RBBP9: variants seen among roughly 807,000 people sequenced by gnomAD.
The protein encoded by RBBP9 is serine hydrolase RBBP9.
In RBBP9, 20 loss-of-function variants were observed where a neutral mutation model predicts 24.2. The observed-to-expected ratio is 0.83, with a 90% CI of 0.58 to 1.20. RBBP9 has a LOEUF of 1.20. Among genes scored for constraint, RBBP9 ranks in the 50% most tolerant of loss-of-function variants. The pLI is 0.00. For missense variants in RBBP9, 234 were observed against 233.6 expected, an observed-to-expected ratio of 1.00 and a Z score of -0.01; for synonymous variants, 74 against 84.6, an observed-to-expected ratio of 0.87 and a Z score of 0.69.
chr20:18,492,011 T>A (rs2059867651), intron 3 of RBBP9, among the ~76,000 whole-genome samples: 1 of 149,138 alleles, frequency 6.7e-6, no homozygotes. Flanking sequence ...ACAGGAGAAT[T>A]GCTTGAACCT....
Position 18,489,761 on chromosome 20 carries a change from A to C in RBBP9, c.*3T>G, listed in dbSNP as rs747567818. ...GGATGCAAAATAGCAGAAATCATAC[A>C]GTCTATGCTGGTACTTTCAGCAAAG... On this transcript the variant is annotated 3_prime_UTR_variant, in exon 5 of 5. Transcript: ENST00000337227. 1.9e-6 allele frequency: 3 copies of C among 1,577,554 alleles called. No homozygotes were observed. The highest frequency in any genetic ancestry group is 2.2e-5 in the South Asian group (2 of 89,868).
In RBBP9 at chr20:18,497,160, G is replaced by A; in HGVS notation, c.8C>T (p.Ser3Phe). The A allele has an allele frequency of 1.2e-6, 2 of 1,613,710 alleles. No individual in the cohort carries two copies. Among genetic ancestry groups the A allele is most frequent in the African/African-American group, 1.3e-5 (1 of 75,058 alleles). The change falls in exon 1 of 5, where the codon TCT becomes TTT. Residue 3 changes from serine to phenylalanine, a missense_variant. By Grantham distance (155) the Ser-to-Phe change is radical. Transcript: ENST00000337227. ...GGGAACAATCACTGCCTTGCTAGGA[G>A]AAGCCATGAGTGCAGCGAGGCCAGA... MA[S>F]PSKAVIVPGN...
Position 18,497,123 on chromosome 20 carries a change from G to A in RBBP9, c.45C>T (p.Gly15=), listed in dbSNP as rs1065444. Reference sequence around the variant, plus strand: ...ACCAGCCGTGGGTGGTCACATCCCCGCCTCCGTTCCCGGGAACAATCACTG... The same window carrying A: ...ACCAGCCGTGGGTGGTCACATCCCCACCTCCGTTCCCGGGAACAATCACTG... The part of the protein sequence containing the change: ...SKAVIVPGNG[G]GDVTTHGWYG... Residue 15 remains glycine, a synonymous_variant, in exon 1 of 5, where the codon GGC becomes GGT. Transcript: ENST00000337227. 4 of 1,614,026 alleles carry A rather than the reference G, an allele frequency of 2.5e-6. No homozygotes were observed. The highest frequency in any genetic ancestry group is 3.4e-6 in the Non-Finnish European group (4 of 1,179,994).
At chr20:18,491,166 G>A (rs531934030) in intron 3 of RBBP9, among the ~76,000 whole-genome samples, 57 of 152,354 alleles carry the variant, frequency 3.7e-4, no homozygotes, top group South Asian at 2.1e-4. Context: ...ATTTTAAGGC[G>A]TGATCCCTCC....
At chr20:18,493,911 C>T (rs757379380) in intron 3 of RBBP9, 47 bp downstream of exon 3, 1 of 1,416,750 alleles carries the variant, frequency 7.1e-7, no homozygotes, top group Non-Finnish European at 9.7e-7. Context: ...CTCAAGCAAG[C>T]ATGACTGGAG....
Position 18,493,967 on chromosome 20 carries a change from G to A in RBBP9, c.239C>T (p.Ala80Val), listed in dbSNP as rs745728038. The A allele has an allele frequency of 4.4e-5, 71 of 1,606,466 alleles. No individual in the cohort carries two copies. The highest frequency in any genetic ancestry group is 6.7e-5 in the African/African-American group (5 of 74,418). The change falls in exon 3 of 5, where the codon GCG becomes GTG. Residue 80 changes from alanine to valine, a missense_variant. Physicochemically the swap from Ala to Val is moderately conservative, Grantham distance 64. Coordinates refer to ENST00000337227, the MANE Select transcript of RBBP9 (RefSeq NM_006606.3). ...IIIGHSSGAI[A>V]AMRYAETHRV... ...TTAACAAAGATCGCACCTCATGGCCGCGATGGCCCCAGAACTGTGGCCAAT... is the reference window on the plus strand; with the variant it reads ...TTAACAAAGATCGCACCTCATGGCCACGATGGCCCCAGAACTGTGGCCAAT...
rs2059848522 is a variant in RBBP9, at chr20:18,487,467, A to T, written c.*2297T>A. The T allele has an allele frequency of 6.6e-6, 1 of 152,250 alleles. No homozygotes were observed. The highest frequency in any genetic ancestry group is 1.5e-5 in the Non-Finnish European group (1 of 68,042). The allele number at this position is 152,250 out of a possible 1,614,324, so 9.4% of individuals were successfully genotyped here. Reference sequence around the variant, plus strand: ...TAATACAACAGCAAATTTCCAAAAAATTCAAGTAGAATCAAACTTTGACTA... The same window carrying T: ...TAATACAACAGCAAATTTCCAAAAATTTCAAGTAGAATCAAACTTTGACTA... On this transcript the variant is annotated 3_prime_UTR_variant, in exon 5 of 5. Transcript: ENST00000337227.
chr20:18,490,609 T>C (rs1394428715), intron 3 of RBBP9, 129 bp from the exon 4 acceptor site: 4 of 597,468 alleles, frequency 6.7e-6, no homozygotes, highest in Non-Finnish European at 1.2e-5. Flanking sequence ...TTGAGGTTGA[T>C]GTGAAAAATG....
At position 18,494,003 on chromosome 20, in the gene RBBP9, T is replaced by G. The variant is rs755433106; in HGVS notation, c.203A>C (p.Lys68Thr). 1 of 1,613,448 alleles carries G rather than the reference T, an allele frequency of 6.2e-7. No individual in the cohort carries two copies. The highest frequency in any genetic ancestry group is 1.7e-5 in the Admixed American group (1 of 59,786). The change falls in exon 3 of 5, where the codon AAG becomes ACG. Residue 68 changes from lysine (K) to threonine (T), a missense_variant. Transcript: ENST00000337227. ...AGAACTGTGGCCAATGATGATAGTCTTCTCATCACAGTGCAGCTCTGTCTC... is the reference window on the plus strand; with the variant it reads ...AGAACTGTGGCCAATGATGATAGTCGTCTCATCACAGTGCAGCTCTGTCTC... ...FMETELHCDE[K>T]TIIIGHSSGA...
rs554762982 is a variant in RBBP9, at chr20:18,486,807, C to T, written c.*2957G>A. The T allele has an allele frequency of 3.9e-5, 6 of 152,192 alleles. 1 individual carries two copies. Among genetic ancestry groups the T allele is most frequent in the South Asian group, 2.1e-4 (1 of 4,820 alleles). 9.4% of individuals were successfully genotyped at this position (152,192 alleles called of 1,614,324 possible). The stretch of plus-strand genomic sequence containing the variant: ...AGATACTCCCCAGAGTGTATAGAGG[C>T]CCCTGTATATTCAATGATGACCACA... On this transcript the variant is annotated 3_prime_UTR_variant, in exon 5 of 5. Transcript: ENST00000337227.
At position 18,489,986 on chromosome 20, in the gene RBBP9, G is replaced by A. The variant is rs1377773050; in HGVS notation, c.339C>T (p.Tyr113=). ...LGDENERASG[Y]FTRPWQWEKI... ...TCTCCCACTGCCAGGGGCGGGTGAA[G>A]TATCCTATGGGGAAAAAAAAATGAT... Residue 113 remains tyrosine, a synonymous_variant, in exon 5 of 5, where the codon TAC becomes TAT. Coordinates refer to ENST00000337227, the MANE Select transcript of RBBP9 (RefSeq NM_006606.3). 2 of 1,593,178 alleles carry A rather than the reference G, an allele frequency of 1.3e-6. No homozygotes were observed. Among genetic ancestry groups the A allele is most frequent in the Middle Eastern group, 3.5e-4 (2 of 5,742 alleles).
chr20:18,497,020 G>T, intron 1 of RBBP9, 49 bp downstream of exon 1: 2 of 1,506,738 alleles, frequency 1.3e-6, no homozygotes, highest in Non-Finnish European at 1.8e-6. Context: ...CTCTCCCGCC[G>T]TCCCTCCCTC....
Position 18,495,745 on chromosome 20 carries a change from T to G in RBBP9, c.142+93A>C, listed in dbSNP as rs910487051. 4 of 1,276,254 alleles carry G rather than the reference T, an allele frequency of 3.1e-6. No homozygotes were observed. The African/African-American group carries it at 6.0e-5, about 19-fold the overall frequency. 79.1% of individuals were successfully genotyped at this position (1,276,254 alleles called of 1,614,324 possible). ...TCTTAGGTATATAGGCATCTTTGGT[T>G]CCTCCACTATGATATTCTTGTTCTC... On this transcript the variant is annotated intron_variant, in intron 2 of 4. Transcript: ENST00000337227.
Position 18,489,766 on chromosome 20 carries a change from A to G in RBBP9, c.559T>C (p.Ter187GlnextTer3). 6.3e-7 allele frequency: 1 copy of G among 1,595,164 alleles called. No homozygotes were observed. Among genetic ancestry groups the G allele is most frequent in the Non-Finnish European group, 8.6e-7 (1 of 1,163,188 alleles). The change falls in exon 5 of 5, where the codon TAG becomes CAG. Residue 187 changes from the stop codon to glutamine, a stop_lost. Coordinates refer to ENST00000337227, the MANE Select transcript of RBBP9 (RefSeq NM_006606.3). The stretch of plus-strand genomic sequence containing the variant: ...CAAAATAGCAGAAATCATACAGTCT[A>G]TGCTGGTACTTTCAGCAAAGACTTT... ...VVKSLLKVPA[*>Q] is the part of the protein sequence containing the mutation.
chr20:18,492,931 A>G (rs2059871140), intron 3 of RBBP9, among the ~76,000 whole-genome samples: 1 of 152,194 alleles, frequency 6.6e-6, no homozygotes, highest in Non-Finnish European at 1.5e-5. Context: ...AGCATATAAC[A>G]TTCTTACACT....
chr20:18,491,053 G>A (rs1031158942), intron 3 of RBBP9, among the ~76,000 whole-genome samples: 1 of 152,134 alleles, frequency 6.6e-6, no homozygotes, highest in Admixed American at 6.5e-5. Flanking sequence ...ATCCATCCAC[G>A]TTTAGTATGC....
rs1284053359 is a variant in RBBP9, at chr20:18,489,275, G to A, written c.*489C>T. ...CTTAGGGGCAAGTGTCAGAGGTGAA[G>A]GCCCTAGTCTGAGTTTAATGTCTGG... On this transcript the variant is annotated 3_prime_UTR_variant, in exon 5 of 5. Transcript: ENST00000337227. 1.3e-5 allele frequency: 2 copies of A among 152,694 alleles called. No homozygotes were observed. Among genetic ancestry groups the A allele is most frequent in the East Asian group, 3.8e-4 (2 of 5,224 alleles). 9.5% of individuals were successfully genotyped at this position (152,694 alleles called of 1,614,324 possible).
intron 1 of RBBP9, among the ~76,000 whole-genome samples, chr20:18,496,862 C>T (rs2059888466): frequency 6.6e-6 from 1 of 152,110 alleles, no homozygotes; most frequent in Non-Finnish European, 1.5e-5. Context: ...AAAGGCTGAG[C>T]CCTCAGAGAA....
At chr20:18,494,151 T>A (rs2059875346) in intron 2 of RBBP9, 88 bp from the exon 3 acceptor site, 1 of 1,000,766 alleles carries the variant, frequency 1.0e-6, no homozygotes, top group African/African-American at 1.6e-5. Flanking sequence ...AGGCAACTAT[T>A]CAGCAGTTCA....
Sources: allele counts gnomAD v4.1 joint callset (sites outside exome capture counted in the v4.1 genomes callset), GRCh38; gene constraint gnomAD v4.1.1; transcripts MANE v1.5; gene names NCBI Gene and HGNC (gene_info 2026-07-23, HGNC 2026-07-21).